CSMD1: variants seen among roughly 807,000 people sequenced by gnomAD.
CSMD1 encodes the protein CUB and sushi domain-containing protein 1.
Under a neutral mutation model 417.5 loss-of-function variants are expected in CSMD1, and 213 were observed. That is an observed-to-expected ratio of 0.51 (90% CI 0.46 to 0.57). CSMD1 has a LOEUF of 0.57. CSMD1 is among the 20% of genes least tolerant of loss of function. The pLI is 0.00. For missense variants in CSMD1, 6,923 were observed against 4,529.7 expected, an observed-to-expected ratio of 1.53 and a Z score of -15.17; for synonymous variants, 2,862 against 1,736.8, an observed-to-expected ratio of 1.65 and a Z score of -16.11.
intron 1 of CSMD1, chr8:4,787,369 T>C: frequency 2.7e-6 from 2 of 729,446 alleles, no homozygotes; most frequent in Non-Finnish European, 5.0e-6. Flanking sequence ...GGTAAAAAAT[T>C]GTATGAGGGT....
chr8:3,539,094 A>G (rs148237410), intron 10 of CSMD1, among the ~76,000 whole-genome samples: 1 of 152,256 alleles, frequency 6.6e-6, no homozygotes, highest in East Asian at 1.9e-4. Flanking sequence ...GTCTTGCCCC[A>G]GTCCCTTTCC....
At chr8:4,580,819 A>G (rs1799378674) in intron 2 of CSMD1, among the ~76,000 whole-genome samples, 1 of 152,204 alleles carries the variant, frequency 6.6e-6, no homozygotes, top group Non-Finnish European at 1.5e-5. Context: ...AAAAAGTTGT[A>G]TCTTGTACAT....
chr8:3,575,833 T>A (rs1358105442), intron 9 of CSMD1, among the ~76,000 whole-genome samples: 1 of 109,448 alleles, frequency 9.1e-6, no homozygotes. Context: ...GGCCTCCAGT[T>A]TATGAAAGGA....
At chr8:4,471,757 C>A (rs1260768430) in intron 2 of CSMD1, among the ~76,000 whole-genome samples, 1 of 152,066 alleles carries the variant, frequency 6.6e-6, no homozygotes, top group Non-Finnish European at 1.5e-5. Context: ...AGACCCATTT[C>A]TTTAGCGTCA....
rs113074167 is a variant in CSMD1 at position 4,075,759 on chromosome 8, T to A, written c.416-43660A>T. 1.7e-3 allele frequency among the ~76,000 whole-genome samples: 264 copies of A among 152,222 alleles called. 1 individual carries two copies. The highest frequency in any genetic ancestry group is 6.1e-3 in the African/African-American group (253 of 41,530). ...TCAGGTTGTGTGTCCCTTTCAGAAT[T>A]TTTCCACCCTAGCCAGGTTTCTCAA... On this transcript the variant is annotated intron_variant, in intron 3 of 69. Transcript: ENST00000635120.
At position 4,488,352 on chromosome 8, in the gene CSMD1, A is replaced by T. The variant is rs545921993; in HGVS notation, c.303-68287T>A. Among the ~76,000 whole-genome samples the T allele has an allele frequency of 3.3e-5, 5 of 152,200 alleles. No homozygotes were observed. The South Asian group carries it at 8.3e-4, about 25-fold the overall frequency. Reference sequence around the variant, plus strand: ...GCTTATGATATCCAAGTGTATTCTGAACACTTGACATATAGAAACTTGTTT... The same window carrying T: ...GCTTATGATATCCAAGTGTATTCTGTACACTTGACATATAGAAACTTGTTT... On this transcript the variant is annotated intron_variant, in intron 2 of 69. Coordinates refer to ENST00000635120, the MANE Select transcript of CSMD1 (RefSeq NM_033225.6).
chr8:4,034,268 A>T (rs572937411), intron 3 of CSMD1, among the ~76,000 whole-genome samples: 1 of 152,216 alleles, frequency 6.6e-6, no homozygotes, highest in African/African-American at 2.4e-5. Context: ...TAGGAAATAA[A>T]TACTAGTGTT....
chr8:3,282,182 A>G (rs1338283347), intron 26 of CSMD1, among the ~76,000 whole-genome samples: 1 of 152,182 alleles, frequency 6.6e-6, no homozygotes, highest in Non-Finnish European at 1.5e-5. Context: ...GCATAACACC[A>G]AAAGTGAACC....
chr8:2,949,800 G>A (rs341725), intron 67 of CSMD1, among the ~76,000 whole-genome samples: 108,691 of 152,076 alleles, frequency 0.71, 40,579 homozygotes, highest in East Asian at 0.87. Flanking sequence ...ATTAGAACAC[G>A]AACAAATGGT....
chr8:3,477,482 G>A (rs1260567090), intron 11 of CSMD1, among the ~76,000 whole-genome samples: 3 of 152,214 alleles, frequency 2.0e-5, no homozygotes, highest in African/African-American at 4.8e-5. Flanking sequence ...GACACAGGGT[G>A]AGCTGGAGAT....
At chr8:4,874,140 TTA>T (rs1210516463) in intron 1 of CSMD1, among the ~76,000 whole-genome samples, 9 of 152,082 alleles carry the variant, frequency 5.9e-5, no homozygotes, top group Non-Finnish European at 4.4e-5. Flanking sequence ...ATAGATAACT[TTA>T]TCTTTTTCAA....
chr8:4,814,018 C>T (rs1395353416), intron 1 of CSMD1, among the ~76,000 whole-genome samples: 2 of 151,970 alleles, frequency 1.3e-5, no homozygotes, highest in African/African-American at 4.8e-5. Context: ...CCTTTTTGAG[C>T]TTCATCACAT....
intron 54 of CSMD1, among the ~76,000 whole-genome samples, chr8:2,991,174 A>G (rs1806350543): frequency 6.6e-6 from 1 of 152,278 alleles, no homozygotes; most frequent in South Asian, 2.1e-4. Context: ...AAGGGTATTT[A>G]TTACTTTATG....
chr8:4,091,379 T>C (rs964872034), intron 3 of CSMD1, among the ~76,000 whole-genome samples: 3 of 152,190 alleles, frequency 2.0e-5, no homozygotes, highest in Non-Finnish European at 4.4e-5. Flanking sequence ...AAAATAAATA[T>C]AAAACAAATG....
At chr8:4,238,937 C>T (rs143338689) in intron 3 of CSMD1, among the ~76,000 whole-genome samples, 152 of 152,286 alleles carry the variant, frequency 1.0e-3, no homozygotes, top group Non-Finnish European at 1.6e-3. Context: ...ATATGATTTT[C>T]TACCCTGTTC....
intron 3 of CSMD1, among the ~76,000 whole-genome samples, chr8:4,419,692 A>T (rs898196863): frequency 6.6e-6 from 1 of 152,190 alleles, no homozygotes; most frequent in Admixed American, 6.6e-5. Context: ...CTCAAAACTT[A>T]TTCGCTACAA....
At chr8:3,053,287 T>A (rs938601511) in intron 49 of CSMD1, among the ~76,000 whole-genome samples, 2 of 152,150 alleles carry the variant, frequency 1.3e-5, no homozygotes, top group African/African-American at 4.8e-5. Context: ...GAGCACAATG[T>A]CACACACTCA....
chr8:4,788,347 C>T, intron 1 of CSMD1: 4 of 1,510,938 alleles, frequency 2.6e-6, no homozygotes, highest in Non-Finnish European at 3.6e-6. Flanking sequence ...ACTGCATATC[C>T]AGTTATCACC....
chr8:4,099,953 C>A (rs376626418), intron 3 of CSMD1, among the ~76,000 whole-genome samples: 2 of 152,144 alleles, frequency 1.3e-5, no homozygotes, highest in African/African-American at 2.4e-5. Flanking sequence ...AATAAAAATA[C>A]TCATTTATTT....
Sources: allele counts gnomAD v4.1 joint callset (sites outside exome capture counted in the v4.1 genomes callset), GRCh38; gene constraint gnomAD v4.1.1; transcripts MANE v1.5; gene names NCBI Gene and HGNC (gene_info 2026-07-23, HGNC 2026-07-21).